The following UPF2 variants were observed in gnomAD, a reference collection of about 807,000 sequenced individuals.
UPF2 encodes regulator of nonsense transcripts 2.
UPF2 carries 17 observed loss-of-function variants against 141.4 expected under a neutral mutation model. The ratio of observed to expected loss-of-function variants is 0.12; its 90% CI spans 0.08 to 0.18. The LOEUF is 0.18. Among genes scored for constraint, UPF2 ranks in the 10% least tolerant of loss-of-function variants. The pLI is 1.00. For synonymous variants in UPF2, 540 were observed against 498.0 expected, an observed-to-expected ratio of 1.08 and a Z score of -1.12; for missense variants, 1,152 against 1,515.9, an observed-to-expected ratio of 0.76 and a Z score of 3.99.
Position 12,019,885 on chromosome 10 carries a change from C to T in UPF2, c.1146-5701G>A, listed in dbSNP as rs112260575. Among the ~76,000 whole-genome samples the T allele has an allele frequency of 1.7e-3, 261 of 152,220 alleles. 1 individual carries two copies. The highest frequency in any genetic ancestry group is 5.8e-3 in the African/African-American group (240 of 41,550). ...GATTACAGGAGCCTGCCACCACACC[C>T]GGCTAATTTTTGTATTTTTAGTAGA... is the stretch of plus-strand genomic sequence containing the variant. On this transcript the variant is annotated intron_variant, in intron 3 of 21. Coordinates refer to ENST00000357604, the MANE Select transcript of UPF2 (RefSeq NM_015542.4). This position sits in a 1 kb window ranked among gnomAD's most constrained non-coding sequence, Gnocchi z 4.5.
At chr10:12,030,650 G>A (rs1230850889) in intron 2 of UPF2, among the ~76,000 whole-genome samples, 10 of 151,804 alleles carry the variant, frequency 6.6e-5, no homozygotes, top group Non-Finnish European at 8.8e-5. Flanking sequence ...TTGGGAGGCC[G>A]AGGCAGGCAG....
intron 1 of UPF2, among the ~76,000 whole-genome samples, chr10:12,039,286 A>T (rs767193433): frequency 2.0e-4 from 31 of 152,266 alleles, no homozygotes; most frequent in Non-Finnish European, 3.5e-4. Context: ...AAGAATCCTA[A>T]GAGTACCAAA....
At position 11,935,676 on chromosome 10, in the gene UPF2, G is replaced by A. The variant is rs1411952150; in HGVS notation, c.3546+869C>T. Among the ~76,000 whole-genome samples the A allele has an allele frequency of 2.0e-5, 3 of 152,200 alleles. No homozygotes were observed. The highest frequency in any genetic ancestry group is 7.2e-5 in the African/African-American group (3 of 41,462). On this transcript the variant is annotated intron_variant, in intron 19 of 21. Coordinates refer to ENST00000357604, the MANE Select transcript of UPF2 (RefSeq NM_015542.4). This position sits in a 1 kb window ranked among gnomAD's most constrained non-coding sequence, Gnocchi z 4.9. ...ACCATGTTTCACTATCTGCAAATAT[G>A]TGCGTTTGTCTCTCTGCTCTCTCAG... is the stretch of plus-strand genomic sequence containing the variant.
At position 11,963,990 on chromosome 10, in the gene UPF2, A is replaced by T. The variant is rs1420857061; in HGVS notation, c.2184+19T>A. ...AAATCAAGAACCTCTAGCTCTTACC[A>T]GCATCCTCAAGCCCTTACCAAAAGT... is the stretch of plus-strand genomic sequence containing the variant. On this transcript the variant is annotated intron_variant, in intron 11 of 21. Coordinates refer to ENST00000357604, the MANE Select transcript of UPF2 (RefSeq NM_015542.4). 2 of 1,570,504 alleles carry T rather than the reference A, an allele frequency of 1.3e-6. No homozygotes were observed. Among genetic ancestry groups the T allele is most frequent in the Non-Finnish European group, 1.7e-6 (2 of 1,143,912 alleles).
intron 16 of UPF2, 80 bp downstream of exon 16, chr10:11,948,289 T>C (rs1346470809): frequency 4.1e-5 from 56 of 1,381,938 alleles, no homozygotes; most frequent in South Asian, 6.0e-5. Context: ...AGGTCTTATG[T>C]ATTAAAAAAA....
At chr10:12,008,352 C>G (rs1003149924) in intron 4 of UPF2, among the ~76,000 whole-genome samples, 1 of 151,856 alleles carries the variant, frequency 6.6e-6, no homozygotes, top group Non-Finnish European at 1.5e-5. Flanking sequence ...ATTCTCAGGC[C>G]AGGCGCAGTG....
intron 8 of UPF2, among the ~76,000 whole-genome samples, chr10:11,982,014 A>G (rs1035499330): frequency 6.9e-6 from 1 of 143,936 alleles, no homozygotes. Context: ...ACATGTAATA[A>G]TTTCCCTACT....
At chr10:12,040,868 C>T (rs972274002) in intron 1 of UPF2, among the ~76,000 whole-genome samples, 4 of 152,170 alleles carry the variant, frequency 2.6e-5, no homozygotes, top group Admixed American at 1.3e-4. Flanking sequence ...TCACAAAGAA[C>T]ACTGAGAAGT....
At position 11,936,830 on chromosome 10, in the gene UPF2, A is replaced by G. The variant is rs1160131484; in HGVS notation, c.3379-118T>C. 13 of 989,240 alleles carry G rather than the reference A, an allele frequency of 1.3e-5. No homozygotes were observed. The highest frequency in any genetic ancestry group is 5.8e-5 in the East Asian group (2 of 34,264). The allele number at this position is 989,240 out of a possible 1,614,324, so 61.3% of individuals were successfully genotyped here. A position where few individuals can be genotyped will look rare whatever the true frequency, so the allele number is the denominator to read the frequency against. On this transcript the variant is annotated intron_variant, in intron 18 of 21. Transcript: ENST00000357604. The surrounding 1 kb of genome is among the most constrained non-coding windows in gnomAD (Gnocchi z 6.6). ...TTAAAACACAACAATCATAAGAGCC[A>G]TAACAGTCAACAATTACAACCACCA... is the stretch of plus-strand genomic sequence containing the variant.
In UPF2 at chr10:11,992,934, C is replaced by T. The variant is rs140245869; in HGVS notation, c.1844+4738G>A. On this transcript the variant is annotated intron_variant, in intron 8 of 21. Transcript: ENST00000357604. This position sits in a 1 kb window ranked among gnomAD's most constrained non-coding sequence, Gnocchi z 4.1. ...GAGGCCAAGGCGAGTGAATCACTTGCGGTCAGGAGTTCAAGACCAGCCTGG... is the reference window on the plus strand; with the variant it reads ...GAGGCCAAGGCGAGTGAATCACTTGTGGTCAGGAGTTCAAGACCAGCCTGG... 6.7e-3 allele frequency among the ~76,000 whole-genome samples: 1,012 copies of T among 152,050 alleles called. 10 individuals carry two copies. The highest frequency in any genetic ancestry group is 0.023 in the African/African-American group (968 of 41,472).
At chr10:12,010,176 C>A (rs564399939) in intron 4 of UPF2, among the ~76,000 whole-genome samples, 1 of 152,148 alleles carries the variant, frequency 6.6e-6, no homozygotes, top group Non-Finnish European at 1.5e-5. Flanking sequence ...CCCAGGATGA[C>A]GCTTAATGAT....
intron 12 of UPF2, among the ~76,000 whole-genome samples, 173 bp downstream of exon 12, chr10:11,958,998 C>T (rs1170157481): frequency 6.6e-6 from 1 of 152,104 alleles, no homozygotes; most frequent in Middle Eastern, 3.2e-3. Flanking sequence ...GAAAACAAAA[C>T]CTATGTCCCA....
chr10:11,931,421 C>T lies in UPF2; in HGVS notation c.3688+220G>A, dbSNP rs758445058. 1.3e-5 allele frequency among the ~76,000 whole-genome samples: 2 copies of T among 152,110 alleles called. No homozygotes were observed. The highest frequency in any genetic ancestry group is 1.3e-4 in the Admixed American group (2 of 15,258). The stretch of plus-strand genomic sequence containing the variant: ...AATTGATTATCACCTTGCTTGCAAA[C>T]GTAGCTTAGCAGTTTATACTCTAAT... On this transcript the variant is annotated intron_variant, in intron 20 of 21. Transcript: ENST00000357604. The surrounding 1 kb of genome is among the most constrained non-coding windows in gnomAD (Gnocchi z 5.9).
At chr10:11,978,641 T>C (rs897798803) in intron 9 of UPF2, among the ~76,000 whole-genome samples, 2 of 152,148 alleles carry the variant, frequency 1.3e-5, no homozygotes, top group Non-Finnish European at 2.9e-5. Flanking sequence ...ATCAGAGTAT[T>C]GATGGAAACT....
chr10:11,995,738 G>A (rs918133315), intron 8 of UPF2, among the ~76,000 whole-genome samples: 2 of 151,996 alleles, frequency 1.3e-5, no homozygotes, highest in African/African-American at 4.8e-5. Flanking sequence ...AGCTGAGATC[G>A]CACCACTGCA....
chr10:11,987,047 G>A (rs1301406623), intron 8 of UPF2, among the ~76,000 whole-genome samples: 1 of 152,238 alleles, frequency 6.6e-6, no homozygotes, highest in African/African-American at 2.4e-5. Context: ...AAGGAAAGAA[G>A]AGATTCTTAC....
chr10:11,921,165 G>A lies in UPF2; in HGVS notation c.*133C>T. On this transcript the variant is annotated 3_prime_UTR_variant, in exon 22 of 22. Transcript: ENST00000357604. The surrounding 1 kb of genome is among the most constrained non-coding windows in gnomAD (Gnocchi z 5.9). Reference sequence around the variant, plus strand: ...TGTTTCTGCCTCCTGGCCCCAGCCTGTCCCAGGTTTAGATTCGCAACTCTC... The same window carrying A: ...TGTTTCTGCCTCCTGGCCCCAGCCTATCCCAGGTTTAGATTCGCAACTCTC... 1 of 1,264,686 alleles carries A rather than the reference G, an allele frequency of 7.9e-7. No individual in the cohort carries two copies. The highest frequency in any genetic ancestry group is 2.3e-5 in the East Asian group (1 of 43,226). 78.3% of individuals were successfully genotyped at this position (1,264,686 alleles called of 1,614,324 possible). A position where few individuals can be genotyped will look rare whatever the true frequency, so the allele number is the denominator to read the frequency against.
Position 11,980,457 on chromosome 10 carries a change from G to A in UPF2, c.1845-1292C>T, listed in dbSNP as rs1833573579. Among the ~76,000 whole-genome samples the A allele has an allele frequency of 1.3e-5, 2 of 152,112 alleles. No homozygotes were observed. Among genetic ancestry groups the A allele is most frequent in the African/African-American group, 4.8e-5 (2 of 41,420 alleles). On this transcript the variant is annotated intron_variant, in intron 8 of 21. Transcript: ENST00000357604. The surrounding 1 kb of genome is among the most constrained non-coding windows in gnomAD (Gnocchi z 4.2). The stretch of plus-strand genomic sequence containing the variant: ...AATCATACGAGTCTTAATTATCGCT[G>A]AGTGGAGGCCGGGCACGGTGGCTCA...
intron 9 of UPF2, 106 bp from the exon 10 acceptor site, chr10:11,967,560 T>TC: frequency 1.3e-6 from 1 of 755,088 alleles, no homozygotes; most frequent in Non-Finnish European, 2.0e-6. Context: ...TTTTTTTTTT[T>TC]TTTTTTTTGA....
Sources: allele counts gnomAD v4.1 joint callset (sites outside exome capture counted in the v4.1 genomes callset), GRCh38; gene constraint gnomAD v4.1.1; non-coding constraint Gnocchi (gnomAD v3.1); transcripts MANE v1.5; gene names NCBI Gene and HGNC (gene_info 2026-07-23, HGNC 2026-07-21).